ZFHX3: variants seen among roughly 807,000 people sequenced by gnomAD.
The protein encoded by ZFHX3 is zinc finger homeobox protein 3.
ZFHX3 carries 42 observed loss-of-function variants against 279.1 expected under a neutral mutation model. That is an observed-to-expected ratio of 0.15 (90% confidence interval 0.12 to 0.19). ZFHX3 has a LOEUF of 0.19. Ranked by LOEUF, ZFHX3 falls within the 10% of genes least tolerant of loss-of-function variation. ZFHX3 has a pLI of 1.00. For missense variants in ZFHX3, 4,981 were observed against 4,754.0 expected (o/e 1.05, Z -1.40); for synonymous variants, 2,293 against 1,957.8 (o/e 1.17, Z -4.52).
At chr16:73,785,263 T>A (rs186642150) in intron 1 of ZFHX3, among the ~76,000 whole-genome samples, 2 of 152,234 alleles carry the variant, frequency 1.3e-5, no homozygotes, top group Non-Finnish European at 2.9e-5. Flanking sequence ...ACTTTTTGTT[T>A]TTCCAAGAGT....
chr16:73,586,957 T>C (rs2051933398), intron 2 of ZFHX3, among the ~76,000 whole-genome samples: 2 of 152,200 alleles, frequency 1.3e-5, no homozygotes, highest in Admixed American at 1.3e-4. Context: ...TTTTTTCCAC[T>C]ATGTAAATAC....
intron 2 of ZFHX3, among the ~76,000 whole-genome samples, chr16:73,648,190 T>A (rs1165661444): frequency 6.6e-6 from 1 of 152,208 alleles, no homozygotes; most frequent in Non-Finnish European, 1.5e-5. Flanking sequence ...GATATATCTA[T>A]ATGGATGCCG....
chr16:73,401,593 C>T (rs929456296), intron 3 of ZFHX3: 1 of 152,164 alleles, frequency 6.6e-6, no homozygotes, highest in Non-Finnish European at 1.5e-5. Context: ...TAACAGATGC[C>T]TGCCTTAAAA....
chr16:72,812,146 A>G, intron 5 of ZFHX3, 108 bp from the exon 6 acceptor site: 1 of 1,435,526 alleles, frequency 7.0e-7, no homozygotes. Context: ...GATTTTCTTA[A>G]AACACCAAAA....
rs1179687749 is a variant in ZFHX3, at chr16:72,836,471, G to C, written c.3449-6612C>G. Among the ~76,000 whole-genome samples, 12 of 152,128 alleles carry C rather than the reference G, an allele frequency of 7.9e-5. No homozygotes were observed. The East Asian group carries it at 1.3e-3, about 17-fold the overall frequency. On this transcript the variant is annotated intron_variant, in intron 4 of 9. Transcript: ENST00000268489. The stretch of plus-strand genomic sequence containing the variant: ...GCGATTAGGTCTTCTGGGTAACAAT[G>C]CCCTGCCTCGGGAATTTTCCCTTAA...
At chr16:73,168,887 C>G (rs978752041) in intron 5 of ZFHX3, among the ~76,000 whole-genome samples, 1 of 152,144 alleles carries the variant, frequency 6.6e-6, no homozygotes, top group African/African-American at 2.4e-5. Context: ...AGCATGGCAC[C>G]CTTTAGTTTT....
chr16:72,931,919 A>C (rs1959831988), intron 3 of ZFHX3, among the ~76,000 whole-genome samples: 1 of 152,248 alleles, frequency 6.6e-6, no homozygotes, highest in Admixed American at 6.5e-5. Context: ...AGGTTACAAA[A>C]TGTAAACAGA....
At position 73,587,506 on chromosome 16, in the gene ZFHX3, C is replaced by T. The variant is rs73602973; in HGVS notation, c.-1547+92674G>A. Among the ~76,000 whole-genome samples, 223 of 152,274 alleles carry T rather than the reference C, an allele frequency of 1.5e-3. 1 individual carries two copies. The highest frequency in any genetic ancestry group is 4.0e-3 in the African/African-American group (167 of 41,540). On this transcript the variant is annotated intron_variant, in intron 2 of 17. Transcript: ENST00000641206. ...AACAGAAATTGAACTAAAAGCAACC[C>T]GCGTTGGCTGTTACCAGACACATTC... is the stretch of plus-strand genomic sequence containing the variant.
chr16:73,333,710 A>G (rs778774482), intron 3 of ZFHX3, among the ~76,000 whole-genome samples: 2 of 151,470 alleles, frequency 1.3e-5, no homozygotes, highest in Admixed American at 6.6e-5. Context: ...GAAAAGGAGA[A>G]GGCAGATGTG....
chr16:73,723,557 GA>G (rs950069645), intron 1 of ZFHX3, among the ~76,000 whole-genome samples: 1 of 151,608 alleles, frequency 6.6e-6, no homozygotes, highest in African/African-American at 2.4e-5. Flanking sequence ...AATACAATTA[GA>G]AAAAAAATGA....
intron 3 of ZFHX3, among the ~76,000 whole-genome samples, chr16:73,376,682 C>T (rs1567465327): frequency 6.6e-6 from 1 of 152,016 alleles, no homozygotes; most frequent in Non-Finnish European, 1.5e-5. Flanking sequence ...TTCCAGGAGG[C>T]GTGGTTGAGA....
intron 1 of ZFHX3, among the ~76,000 whole-genome samples, chr16:73,776,076 C>T (rs1294027666): frequency 2.6e-5 from 4 of 152,178 alleles, no homozygotes; most frequent in African/African-American, 7.2e-5. Flanking sequence ...TAAAACTGAA[C>T]CTGTGAAACA....
intron 4 of ZFHX3, among the ~76,000 whole-genome samples, chr16:73,277,363 T>C (rs1437225060): frequency 6.6e-6 from 1 of 152,246 alleles, no homozygotes; most frequent in East Asian, 1.9e-4. Flanking sequence ...GGCAGCACTG[T>C]GTCTCCAGAG....
chr16:73,494,735 T>A (rs1052427409), intron 2 of ZFHX3, among the ~76,000 whole-genome samples: 20 of 151,992 alleles, frequency 1.3e-4, no homozygotes, highest in Admixed American at 2.6e-4. Context: ...AATTTTTTTT[T>A]TTTTTTATTT....
chr16:73,051,589 T>G (rs975914186), upstream of ZFHX3, among the ~76,000 whole-genome samples: 41 of 152,326 alleles, frequency 2.7e-4, no homozygotes, highest in African/African-American at 8.9e-4. Context: ...AGGTGGAACA[T>G]TATCTAATTT....
At chr16:73,644,323 G>C (rs2052599120) in intron 2 of ZFHX3, among the ~76,000 whole-genome samples, 1 of 151,916 alleles carries the variant, frequency 6.6e-6, no homozygotes, top group South Asian at 2.1e-4. Context: ...GACATCCCCA[G>C]ACTGCATTTC....
At chr16:73,581,418 G>C (rs889168478) in intron 2 of ZFHX3, among the ~76,000 whole-genome samples, 3 of 151,694 alleles carry the variant, frequency 2.0e-5, no homozygotes, top group African/African-American at 7.3e-5. Flanking sequence ...GTTTTCTTCT[G>C]ACTCCTTTAT....
At chr16:73,438,957 T>G (rs922346520) in intron 3 of ZFHX3, among the ~76,000 whole-genome samples, 1 of 152,220 alleles carries the variant, frequency 6.6e-6, no homozygotes, top group Admixed American at 6.5e-5. Context: ...CAGTTCCCAT[T>G]GCACTGAGAG....
intron 1 of ZFHX3, among the ~76,000 whole-genome samples, chr16:72,968,292 C>G (rs1227909069): frequency 6.6e-6 from 1 of 152,154 alleles, no homozygotes; most frequent in Non-Finnish European, 1.5e-5. Flanking sequence ...AACGGAAAGA[C>G]AGACTGAAGA....
Sources: allele counts gnomAD v4.1 joint callset (sites outside exome capture counted in the v4.1 genomes callset), GRCh38; gene constraint gnomAD v4.1.1; transcripts MANE v1.5; gene names NCBI Gene and HGNC (gene_info 2026-07-23, HGNC 2026-07-21).